The following PLXDC2 variants were observed in gnomAD, a reference collection of about 807,000 sequenced individuals.
The protein encoded by PLXDC2 is plexin domain-containing protein 2.
A neutral mutation model predicts 68.9 loss-of-function variants in PLXDC2; 40 were observed. That is an observed-to-expected ratio of 0.58 (90% CI 0.45 to 0.76). The LOEUF (loss-of-function observed/expected upper bound fraction) is 0.76. PLXDC2 is among the 30% of genes least tolerant of loss of function. The pLI is 0.00. For synonymous variants in PLXDC2, 243 were observed against 234.2 expected (o/e 1.04, Z -0.34); for missense variants, 644 against 661.9 (o/e 0.97, Z 0.30).
intron 2 of PLXDC2, among the ~76,000 whole-genome samples, chr10:20,021,939 C>T (rs868306479): frequency 4.6e-5 from 7 of 152,080 alleles, no homozygotes; most frequent in East Asian, 3.9e-4. Flanking sequence ...CCTCGTGATC[C>T]GCCCACCTTG....
chr10:20,161,994 C>T (rs1834298745), intron 6 of PLXDC2, among the ~76,000 whole-genome samples: 1 of 148,898 alleles, frequency 6.7e-6, no homozygotes, highest in Non-Finnish European at 1.5e-5. Context: ...TGCACTCCAG[C>T]CTGGACAACA....
Position 20,177,182 on chromosome 10 carries a change from T to C in PLXDC2, c.979+88T>C. 17 of 1,352,412 alleles carry C rather than the reference T, an allele frequency of 1.3e-5. 1 individual carries two copies. In the South Asian group the frequency reaches 2.0e-4, roughly 16 times the overall value. The allele number at this position is 1,352,412 out of a possible 1,614,324, so 83.8% of individuals were successfully genotyped here. A position where few individuals can be genotyped will look rare whatever the true frequency, so the allele number is the denominator to read the frequency against. ...CAATAGTTATAATAATCATATTAAATAATTACCATTATAATTGTGTTTGGC... is the reference window on the plus strand; with the variant it reads ...CAATAGTTATAATAATCATATTAAACAATTACCATTATAATTGTGTTTGGC... On this transcript the variant is annotated intron_variant, in intron 8 of 13. Transcript: ENST00000377252.
At chr10:20,271,750 A>G (rs946281703) in intron 13 of PLXDC2, among the ~76,000 whole-genome samples, 2 of 152,106 alleles carry the variant, frequency 1.3e-5, no homozygotes, top group African/African-American at 4.8e-5. Flanking sequence ...TGAACTACAG[A>G]GGCTAATTAG....
chr10:20,137,399 A>T (rs1403325032), intron 4 of PLXDC2, among the ~76,000 whole-genome samples: 2 of 152,224 alleles, frequency 1.3e-5, no homozygotes, highest in Non-Finnish European at 2.9e-5. Context: ...AAGTCATTTT[A>T]TTCTACTAGG....
intron 9 of PLXDC2, among the ~76,000 whole-genome samples, chr10:20,204,098 A>C (rs1324193546): frequency 6.6e-6 from 1 of 152,076 alleles, no homozygotes; most frequent in East Asian, 1.9e-4. Context: ...TTTTCAGCTC[A>C]AGATTGTTGA....
At chr10:20,142,893 T>C (rs902769611) in intron 4 of PLXDC2, among the ~76,000 whole-genome samples, 2 of 152,056 alleles carry the variant, frequency 1.3e-5, no homozygotes, top group Non-Finnish European at 2.9e-5. Context: ...ATAAATACCA[T>C]GAAAATGAAT....
chr10:19,825,039 CT>C (rs1397375343), intron 1 of PLXDC2, among the ~76,000 whole-genome samples: 3 of 152,112 alleles, frequency 2.0e-5, no homozygotes, highest in Non-Finnish European at 2.9e-5. Flanking sequence ...GCGCTGGTAC[CT>C]TTACCTTACC....
intron 4 of PLXDC2, among the ~76,000 whole-genome samples, chr10:20,133,634 G>A (rs537927644): frequency 6.2e-4 from 94 of 152,074 alleles, no homozygotes; most frequent in African/African-American, 1.7e-3. Context: ...CAAATTTCTC[G>A]CTATGTCTTT....
chr10:20,257,640 T>A (rs1236708542), intron 13 of PLXDC2, among the ~76,000 whole-genome samples: 1 of 152,192 alleles, frequency 6.6e-6, no homozygotes, highest in East Asian at 1.9e-4. Context: ...GTGGAAAGTC[T>A]GCCTAAAAAC....
Position 20,058,408 on chromosome 10 carries a change from T to G in PLXDC2, c.472-9762T>G, listed in dbSNP as rs114845762. ...GTGAGGTTTAACATTGAGTATATTA[T>G]TTACTCTTTCTTAATTACTTCCTCA... On this transcript the variant is annotated intron_variant, in intron 3 of 13. Transcript: ENST00000377252. 2.7e-3 allele frequency among the ~76,000 whole-genome samples: 416 copies of G among 152,260 alleles called. 6 individuals are homozygous for G. The highest frequency in any genetic ancestry group is 9.1e-3 in the African/African-American group (378 of 41,554).
At chr10:19,962,591 C>T (rs1302362612) in intron 1 of PLXDC2, among the ~76,000 whole-genome samples, 6 of 147,962 alleles carry the variant, frequency 4.1e-5, no homozygotes, top group Non-Finnish European at 9.0e-5. Flanking sequence ...CGTGTTTCAC[C>T]GTGTTAGCCA....
chr10:20,046,832 C>A (rs761741152), intron 2 of PLXDC2, 37 bp from the exon 3 acceptor site: 3 of 1,547,414 alleles, frequency 1.9e-6, no homozygotes, highest in South Asian at 2.5e-5. Context: ...GGTAAAACAT[C>A]TCGGTTCTTG....
chr10:20,131,574 A>G (rs1833868632), intron 4 of PLXDC2, among the ~76,000 whole-genome samples: 1 of 151,838 alleles, frequency 6.6e-6, no homozygotes, highest in African/African-American at 2.4e-5. Context: ...TAATTTTTGT[A>G]TTTTTAATAG....
intron 2 of PLXDC2, among the ~76,000 whole-genome samples, chr10:20,037,590 A>AGC (rs145341251): frequency 0.023 from 3,177 of 137,056 alleles, 105 homozygotes; most frequent in African/African-American, 0.072. Context: ...ATAAAGGTGT[A>AGC]GTACCTAAGT....
chr10:20,203,403 C>T (rs1468291318), intron 9 of PLXDC2, among the ~76,000 whole-genome samples: 1 of 151,606 alleles, frequency 6.6e-6, no homozygotes, highest in Non-Finnish European at 1.5e-5. Context: ...CTCCTGCACT[C>T]AAGCAATCTT....
At chr10:19,838,190 T>A (rs940039447) in intron 1 of PLXDC2, among the ~76,000 whole-genome samples, 1 of 152,092 alleles carries the variant, frequency 6.6e-6, no homozygotes, top group Non-Finnish European at 1.5e-5. Context: ...CTCAAACTTT[T>A]GGGCTCTAGC....
intron 12 of PLXDC2, among the ~76,000 whole-genome samples, chr10:20,225,389 T>G (rs1835272464): frequency 6.6e-6 from 1 of 152,174 alleles, no homozygotes; most frequent in South Asian, 2.1e-4. Flanking sequence ...TTTTGTACAC[T>G]TCTTTTGTGT....
chr10:20,136,123 C>G (rs1020340725), intron 4 of PLXDC2, among the ~76,000 whole-genome samples: 3 of 152,170 alleles, frequency 2.0e-5, no homozygotes, highest in African/African-American at 7.2e-5. Context: ...GCTTCTATCT[C>G]TTCCCTTCAT....
intron 1 of PLXDC2, among the ~76,000 whole-genome samples, chr10:19,831,479 T>C (rs1044049997): frequency 1.8e-4 from 27 of 152,302 alleles, no homozygotes; most frequent in Admixed American, 1.8e-3. Flanking sequence ...GAAGGTTTGT[T>C]ATTTAGGTAA....
Sources: gnomAD v4.1 joint callset for allele counts (sites outside exome capture counted in the v4.1 genomes callset) on GRCh38, gnomAD v4.1.1 for gene constraint, MANE v1.5 for transcripts, NCBI Gene and HGNC (gene_info 2026-07-23, HGNC 2026-07-21) for gene names.